Variants in CTNNA3 observed in about 807,000 individuals in gnomAD.
CTNNA3 encodes catenin alpha-3.
In CTNNA3, 76 loss-of-function variants were observed where a neutral mutation model predicts 95.7. The ratio of observed to expected loss-of-function variants is 0.79; its 90% CI spans 0.66 to 0.96. CTNNA3 has a LOEUF of 0.96. Ranked by LOEUF, CTNNA3 falls within the 40% of genes least tolerant of loss-of-function variation. The pLI, the probability that CTNNA3 is intolerant of heterozygous loss-of-function variation, is 0.00. For synonymous variants in CTNNA3, 431 were observed against 374.4 expected (o/e 1.15, Z -1.74); for missense variants, 1,191 against 1,089.8 (o/e 1.09, Z -1.31).
At chr10:67,248,687 GA>G (rs1387910600) in intron 5 of CTNNA3, among the ~76,000 whole-genome samples, 43 of 152,184 alleles carry the variant, frequency 2.8e-4, no homozygotes, top group Middle Eastern at 3.4e-3. Flanking sequence ...TCAGCCTCCT[GA>G]AAGTGCTGGA....
intron 2 of CTNNA3, among the ~76,000 whole-genome samples, chr10:67,629,005 C>T (rs750247861): frequency 2.0e-5 from 3 of 150,792 alleles, no homozygotes; most frequent in Non-Finnish European, 3.0e-5. Flanking sequence ...TTCCAGAACT[C>T]TAATAAAAAA....
intron 12 of CTNNA3, among the ~76,000 whole-genome samples, chr10:66,304,763 A>T (rs1203709462): frequency 6.6e-6 from 1 of 152,220 alleles, no homozygotes; most frequent in East Asian, 1.9e-4. Flanking sequence ...TAACAAAAGT[A>T]TAGGAACAGG....
intron 3 of CTNNA3, among the ~76,000 whole-genome samples, chr10:67,570,278 C>CT (rs1180954219): frequency 3.3e-5 from 5 of 151,906 alleles, no homozygotes; most frequent in Non-Finnish European, 7.4e-5. Context: ...CCTCTTGTCT[C>CT]TTTTTTTAGT....
intron 13 of CTNNA3, among the ~76,000 whole-genome samples, chr10:66,216,029 C>T (rs1286559793): frequency 3.3e-5 from 5 of 152,228 alleles, no homozygotes; most frequent in African/African-American, 1.2e-4. Flanking sequence ...TATGTGGAGG[C>T]TAATGCAAAT....
At position 67,688,211 on chromosome 10, in the gene CTNNA3, G is replaced by A. The variant is rs867303013; in HGVS notation, c.-6+7789C>T. 3.3e-5 allele frequency among the ~76,000 whole-genome samples: 5 copies of A among 152,254 alleles called. No individual in the cohort carries two copies. In the South Asian group the frequency reaches 1.0e-3, roughly 32 times the overall value. ...GCTTTAAATCAGAGAGGGAGAAGGG[G>A]ACATGTACCCGGGTTGGGCCAAATT... On this transcript the variant is annotated intron_variant, in intron 1 of 17. Coordinates refer to ENST00000433211, the MANE Select transcript of CTNNA3 (RefSeq NM_013266.4).
At chr10:67,181,532 T>C (rs1233042064) in intron 6 of CTNNA3, among the ~76,000 whole-genome samples, 1 of 151,804 alleles carries the variant, frequency 6.6e-6, no homozygotes, top group Non-Finnish European at 1.5e-5. Context: ...GAGTGTGAAA[T>C]TCTGAGTGTG....
At chr10:67,419,655 CAGTT>C (rs1489929653) in intron 5 of CTNNA3, among the ~76,000 whole-genome samples, 1 of 152,170 alleles carries the variant, frequency 6.6e-6, no homozygotes, top group Non-Finnish European at 1.5e-5. Flanking sequence ...ATTAGCAAAA[CAGTT>C]GGTCTTCAGA....
intron 11 of CTNNA3, among the ~76,000 whole-genome samples, chr10:66,518,947 T>C (rs1174343799): frequency 6.6e-6 from 1 of 152,078 alleles, no homozygotes; most frequent in East Asian, 1.9e-4. Flanking sequence ...GTTTCTGGAA[T>C]AATTTTTCAT....
At chr10:67,685,066 G>A (rs190378096) in intron 1 of CTNNA3, among the ~76,000 whole-genome samples, 56 of 152,020 alleles carry the variant, frequency 3.7e-4, no homozygotes, top group African/African-American at 1.2e-3. Context: ...CACTGCTGCC[G>A]AAGAGTCTAT....
intron 3 of CTNNA3, among the ~76,000 whole-genome samples, chr10:67,573,140 G>A (rs1005718888): frequency 9.9e-5 from 15 of 152,022 alleles, no homozygotes; most frequent in Non-Finnish European, 1.8e-4. Context: ...GCTCTCCTAC[G>A]CCTTTTAGAT....
intron 12 of CTNNA3, among the ~76,000 whole-genome samples, chr10:66,294,063 T>C (rs2091735489): frequency 6.6e-6 from 1 of 152,190 alleles, no homozygotes; most frequent in South Asian, 2.1e-4. Context: ...CAAGTAACCA[T>C]CATGCTAATA....
chr10:67,530,597 T>C (rs1385203201), intron 4 of CTNNA3, among the ~76,000 whole-genome samples: 1 of 152,190 alleles, frequency 6.6e-6, no homozygotes, highest in African/African-American at 2.4e-5. Flanking sequence ...CATTCAGTTT[T>C]ATAAGGGAAG....
intron 7 of CTNNA3, among the ~76,000 whole-genome samples, chr10:66,887,315 C>T (rs1845079764): frequency 6.6e-6 from 1 of 152,148 alleles, no homozygotes; most frequent in South Asian, 2.1e-4. Context: ...GATGCTCTCA[C>T]TCTTTCTCAG....
At chr10:67,058,055 C>T (rs558177364) in intron 7 of CTNNA3, among the ~76,000 whole-genome samples, 1 of 152,128 alleles carries the variant, frequency 6.6e-6, no homozygotes, top group Non-Finnish European at 1.5e-5. Context: ...GTCCCCAAGA[C>T]CTGTCATGTC....
At chr10:66,154,743 TCCCTTGAACA>T (rs1554870373) in intron 13 of CTNNA3, among the ~76,000 whole-genome samples, 7 of 143,652 alleles carry the variant, frequency 4.9e-5, no homozygotes, top group South Asian at 2.2e-4. Context: ...TATATATATT[TCCCTTGAACA>T]ATTTATATGA....
intron 12 of CTNNA3, among the ~76,000 whole-genome samples, chr10:66,309,371 T>C (rs1396942011): frequency 1.3e-5 from 2 of 151,950 alleles, no homozygotes; most frequent in Non-Finnish European, 2.9e-5. Flanking sequence ...TTTTTTTTCG[T>C]CTCTGGAGCT....
At chr10:66,900,416 A>C (rs1845690488) in intron 7 of CTNNA3, among the ~76,000 whole-genome samples, 1 of 152,220 alleles carries the variant, frequency 6.6e-6, no homozygotes, top group Non-Finnish European at 1.5e-5. Flanking sequence ...AGATGGGGAG[A>C]AACCAGAACA....
At chr10:67,165,822 A>C (rs1353830381) in intron 7 of CTNNA3, among the ~76,000 whole-genome samples, 1 of 152,238 alleles carries the variant, frequency 6.6e-6, no homozygotes, top group Non-Finnish European at 1.5e-5. Flanking sequence ...TTAATATAAA[A>C]GTCAGAAACT....
intron 11 of CTNNA3, among the ~76,000 whole-genome samples, chr10:66,494,153 C>A (rs899373250): frequency 6.6e-6 from 1 of 151,958 alleles, no homozygotes; most frequent in Non-Finnish European, 1.5e-5. Context: ...GGTGATCCAC[C>A]CGCCTCGACC....
Sources: allele counts gnomAD v4.1 joint callset (sites outside exome capture counted in the v4.1 genomes callset), GRCh38; gene constraint gnomAD v4.1.1; transcripts MANE v1.5; gene names NCBI Gene and HGNC (gene_info 2026-07-23, HGNC 2026-07-21).